The following RORA variants were observed in gnomAD, a reference collection of about 807,000 sequenced individuals.
RORA encodes the protein nuclear receptor ROR-alpha.
In RORA, 7 loss-of-function variants were observed where a neutral mutation model predicts 69.5. The observed-to-expected ratio is 0.10, with a 90% confidence interval of 0.06 to 0.19. The LOEUF (loss-of-function observed/expected upper bound fraction) is 0.19, where lower values mean the gene tolerates loss of function less well. RORA is among the 10% of genes least tolerant of loss of function. RORA has a pLI of 1.00. For synonymous variants in RORA, 261 were observed against 240.8 expected, an observed-to-expected ratio of 1.08 and a Z score of -0.78; for missense variants, 457 against 663.0, an observed-to-expected ratio of 0.69 and a Z score of 3.41.
intron 1 of RORA, among the ~76,000 whole-genome samples, chr15:60,988,963 A>G (rs1246507713): frequency 1.3e-5 from 2 of 152,238 alleles, no homozygotes; most frequent in Non-Finnish European, 2.9e-5. Context: ...GGCAGAATAA[A>G]GAAAGAAAAG....
At chr15:60,634,531 A>G (rs2069801346) in intron 2 of RORA, among the ~76,000 whole-genome samples, 1 of 151,728 alleles carries the variant, frequency 6.6e-6, no homozygotes, top group Admixed American at 6.6e-5. Flanking sequence ...CAGCCTCTGG[A>G]GTAGCTGGGA....
chr15:61,046,277 A>G (rs1897018047), intron 1 of RORA, among the ~76,000 whole-genome samples: 2 of 152,220 alleles, frequency 1.3e-5, no homozygotes, highest in South Asian at 4.1e-4. Flanking sequence ...GGCACTGTAC[A>G]CACAGGATGG....
At chr15:61,176,867 C>T (rs1053512508) in intron 1 of RORA, among the ~76,000 whole-genome samples, 5 of 152,032 alleles carry the variant, frequency 3.3e-5, no homozygotes, top group Non-Finnish European at 5.9e-5. Context: ...AAAAGAGGTA[C>T]GCAGGTTTTA....
chr15:60,795,584 G>A (rs780320615), intron 1 of RORA, among the ~76,000 whole-genome samples: 15 of 152,200 alleles, frequency 9.9e-5, no homozygotes. Flanking sequence ...AATGATGAAG[G>A]AGGGATCTCA....
chr15:60,500,048 G>A, intron 9 of RORA, 44 bp from the exon 10 acceptor site: 1 of 1,195,346 alleles, frequency 8.4e-7, no homozygotes, highest in Non-Finnish European at 1.2e-6. Flanking sequence ...CTCTGACATG[G>A]TGTCAGGATC....
chr15:61,158,802 C>A (rs2079468341), intron 1 of RORA, among the ~76,000 whole-genome samples: 1 of 152,160 alleles, frequency 6.6e-6, no homozygotes, highest in African/African-American at 2.4e-5. Flanking sequence ...TGTTCCTCTT[C>A]AGGAGTGAGT....
rs919313295 is a variant in RORA, at chr15:60,496,918, A to G, written c.*537T>C. The G allele has an allele frequency of 3.3e-5, 5 of 152,408 alleles. No individual in the cohort carries two copies. Among genetic ancestry groups the G allele is most frequent in the Non-Finnish European group, 7.3e-5 (5 of 68,192 alleles). The allele number at this position is 152,408 out of a possible 1,614,324, so 9.4% of individuals were successfully genotyped here. A position where few individuals can be genotyped will look rare whatever the true frequency, so the allele number is the denominator to read the frequency against. On this transcript the variant is annotated 3_prime_UTR_variant, in exon 11 of 11. Transcript: ENST00000335670. The surrounding 1 kb of genome is among the most constrained non-coding windows in gnomAD (Gnocchi z 4.5). ...AGTCTTCATGCCCATTTACCCTGTA[A>G]TATATTATAATGCTATTGTTGCTAC...
At chr15:60,707,661 C>G (rs2071083736) in intron 1 of RORA, among the ~76,000 whole-genome samples, 1 of 152,152 alleles carries the variant, frequency 6.6e-6, no homozygotes, top group African/African-American at 2.4e-5. Flanking sequence ...CCGCACCTGG[C>G]CCACGGTCAT....
intron 1 of RORA, among the ~76,000 whole-genome samples, chr15:61,045,395 G>A (rs939740368): frequency 1.3e-5 from 2 of 152,166 alleles, no homozygotes; most frequent in Non-Finnish European, 2.9e-5. Context: ...ACTCAGTCTC[G>A]GGAATACCTG....
At chr15:60,994,540 C>G (rs1013251997) in intron 1 of RORA, among the ~76,000 whole-genome samples, 1 of 152,238 alleles carries the variant, frequency 6.6e-6, no homozygotes, top group Non-Finnish European at 1.5e-5. Context: ...CTGTTGCCAT[C>G]TCTGCCTTTC....
rs1276607462 is a variant in RORA, at chr15:60,493,016, C to T, written c.*4439G>A. On this transcript the variant is annotated 3_prime_UTR_variant, in exon 11 of 11. Coordinates refer to ENST00000335670, the MANE Select transcript of RORA (RefSeq NM_134261.3). ...GAGCACATTGTTTCTGACTCTTAAC[C>T]CCAACTCCAAAATGATAGGGCTTCT... is the stretch of plus-strand genomic sequence containing the variant. 6.6e-6 allele frequency: 1 copy of T among 152,012 alleles called. No individual in the cohort carries two copies. Among genetic ancestry groups the T allele is most frequent in the Non-Finnish European group, 1.5e-5 (1 of 67,992 alleles). 9.4% of individuals were successfully genotyped at this position (152,012 alleles called of 1,614,324 possible).
chr15:60,508,478 G>A (rs924951541), intron 5 of RORA, among the ~76,000 whole-genome samples: 1 of 152,170 alleles, frequency 6.6e-6, no homozygotes, highest in Non-Finnish European at 1.5e-5. Context: ...CTATATGCCA[G>A]TCCCACATAA....
At chr15:60,985,349 T>G (rs1233594330) in intron 1 of RORA, among the ~76,000 whole-genome samples, 2 of 151,946 alleles carry the variant, frequency 1.3e-5, no homozygotes, top group East Asian at 3.9e-4. Context: ...GTCGTCTCAT[T>G]TTTTAAATTA....
chr15:60,897,529 G>T (rs930546964), intron 1 of RORA, among the ~76,000 whole-genome samples: 4 of 152,172 alleles, frequency 2.6e-5, no homozygotes, highest in Non-Finnish European at 4.4e-5. Flanking sequence ...TATTCTGGGG[G>T]TGAGGATAAA....
At position 60,840,479 on chromosome 15, in the gene RORA, G is replaced by T. The variant is rs78157617; in HGVS notation, c.167-161793C>A. Among the ~76,000 whole-genome samples, 709 of 152,356 alleles carry T rather than the reference G, an allele frequency of 4.7e-3. 5 individuals carry two copies. Among genetic ancestry groups the T allele is most frequent in the African/African-American group, 0.016 (685 of 41,584 alleles). ...GAAGTCTCCAGACAATGGATTTGCA[G>T]CCATGACTCATAGAACCCTGTCCCC... On this transcript the variant is annotated intron_variant, in intron 1 of 10. Coordinates refer to ENST00000335670, the MANE Select transcript of RORA (RefSeq NM_134261.3).
chr15:60,812,147 C>T, intron 1 of RORA, among the ~76,000 whole-genome samples: 1 of 152,144 alleles, frequency 6.6e-6, no homozygotes, highest in Non-Finnish European at 1.5e-5. Flanking sequence ...CCACTCTGTG[C>T]CTTAATTTCT....
At chr15:60,811,653 A>G (rs2072744505) in intron 1 of RORA, among the ~76,000 whole-genome samples, 1 of 152,228 alleles carries the variant, frequency 6.6e-6, no homozygotes. Context: ...ATTCTTTGAA[A>G]AGAAATCTTA....
At chr15:60,827,508 T>G (rs2072981717) in intron 1 of RORA, among the ~76,000 whole-genome samples, 1 of 152,242 alleles carries the variant, frequency 6.6e-6, no homozygotes, top group African/African-American at 2.4e-5. Flanking sequence ...ATATGTTTTA[T>G]AACCATAATG....
intron 1 of RORA, among the ~76,000 whole-genome samples, chr15:60,887,490 C>G (rs1309560859): frequency 6.6e-6 from 1 of 152,072 alleles, no homozygotes; most frequent in Non-Finnish European, 1.5e-5. Context: ...ATATTATAGA[C>G]AAGAGCAGAG....
Sources: allele counts gnomAD v4.1 joint callset (sites outside exome capture counted in the v4.1 genomes callset), GRCh38; gene constraint gnomAD v4.1.1; non-coding constraint Gnocchi (gnomAD v3.1); transcripts MANE v1.5; gene names NCBI Gene and HGNC (gene_info 2026-07-23, HGNC 2026-07-21).